TANGO6: variants seen among roughly 807,000 people sequenced by gnomAD.
The protein encoded by TANGO6 is transport and golgi organization 6 homolog.
Under a neutral mutation model 114.2 loss-of-function variants are expected in TANGO6, and 90 were observed. The ratio of observed to expected loss-of-function variants is 0.79; its 90% CI spans 0.66 to 0.94. The LOEUF (loss-of-function observed/expected upper bound fraction) is 0.94. Among genes scored for constraint, TANGO6 ranks in the 40% least tolerant of loss-of-function variants. The probability of loss-of-function intolerance (pLI) is 0.00; values close to 1 mark genes in which losing one functional copy is unlikely to be tolerated. For synonymous variants in TANGO6, 477 were observed against 509.8 expected (o/e 0.94, Z 0.87); for missense variants, 1,274 against 1,315.3 (o/e 0.97, Z 0.49).
At chr16:68,890,761 C>T (rs1412497532) in intron 7 of TANGO6, among the ~76,000 whole-genome samples, 1 of 151,920 alleles carries the variant, frequency 6.6e-6, no homozygotes, top group Non-Finnish European at 1.5e-5. Flanking sequence ...TGGCTCATGT[C>T]TATAATCCCA....
intron 15 of TANGO6, among the ~76,000 whole-genome samples, chr16:69,012,805 G>A (rs576389198): frequency 1.7e-4 from 26 of 152,150 alleles, no homozygotes; most frequent in Non-Finnish European, 3.2e-4. Flanking sequence ...GGGGACAAAT[G>A]TGTGCTGTCT....
chr16:68,844,283 C>T (rs1961770167), intron 1 of TANGO6, among the ~76,000 whole-genome samples: 1 of 152,126 alleles, frequency 6.6e-6, no homozygotes. Context: ...GTTGAAGCTG[C>T]TACTCCTTTT....
At chr16:68,927,428 G>A (rs1419141005) in intron 12 of TANGO6, 140 bp from the exon 13 acceptor site, 2 of 807,932 alleles carry the variant, frequency 2.5e-6, no homozygotes, top group African/African-American at 3.4e-5. Context: ...TTCAGTGCTG[G>A]ACCCAGGCAA....
At chr16:69,031,425 G>A (rs908892223) in intron 16 of TANGO6, among the ~76,000 whole-genome samples, 1 of 151,994 alleles carries the variant, frequency 6.6e-6, no homozygotes, top group African/African-American at 2.4e-5. Flanking sequence ...GCAAGGCTGG[G>A]CACGGTGGCT....
intron 15 of TANGO6, among the ~76,000 whole-genome samples, chr16:69,003,587 A>C (rs1376850893): frequency 6.6e-6 from 1 of 152,192 alleles, no homozygotes; most frequent in Admixed American, 6.5e-5. Context: ...GCAAACCAAT[A>C]CTTTAAAAAA....
intron 6 of TANGO6, 139 bp downstream of exon 6, chr16:68,878,419 T>G: frequency 9.5e-7 from 1 of 1,052,802 alleles, no homozygotes. Flanking sequence ...TTTGACAAAT[T>G]CACTTACAAG....
intron 16 of TANGO6, 135 bp downstream of exon 16, chr16:69,023,114 C>A: frequency 2.2e-6 from 2 of 907,676 alleles, no homozygotes; most frequent in Non-Finnish European, 3.2e-6. Context: ...GGCAAGTGAG[C>A]CATTGAACTT....
intron 6 of TANGO6, among the ~76,000 whole-genome samples, chr16:68,878,631 C>T (rs1962408484): frequency 6.6e-6 from 1 of 152,132 alleles, no homozygotes; most frequent in African/African-American, 2.4e-5. Context: ...AAATGTCAGT[C>T]TCCTACATAA....
chr16:68,994,730 A>T (rs1279672972), intron 15 of TANGO6, among the ~76,000 whole-genome samples: 1 of 151,240 alleles, frequency 6.6e-6, no homozygotes, highest in Non-Finnish European at 1.5e-5. Flanking sequence ...GCACACCACC[A>T]CGTCCAGCTA....
chr16:68,858,525 T>C (rs1201335179), intron 1 of TANGO6, among the ~76,000 whole-genome samples: 1 of 152,236 alleles, frequency 6.6e-6, no homozygotes, highest in East Asian at 1.9e-4. Flanking sequence ...AATTTCTCAG[T>C]TGTGCTTTAA....
intron 1 of TANGO6, among the ~76,000 whole-genome samples, chr16:68,851,228 C>T (rs1298925163): frequency 5.9e-5 from 9 of 152,148 alleles, no homozygotes; most frequent in South Asian, 2.1e-4. Context: ...GGCGCAATCT[C>T]GGCTCACTGC....
intron 17 of TANGO6, among the ~76,000 whole-genome samples, chr16:69,078,566 C>T (rs1424435647): frequency 1.3e-5 from 2 of 152,086 alleles, no homozygotes; most frequent in Admixed American, 6.6e-5. Context: ...CTCCCTGTGA[C>T]CTTTACCATG....
chr16:68,855,217 A>G (rs900811919), intron 1 of TANGO6, among the ~76,000 whole-genome samples: 7 of 151,756 alleles, frequency 4.6e-5, no homozygotes, highest in African/African-American at 1.7e-4. Context: ...AAAAAAAAAT[A>G]AAACATAAAA....
intron 5 of TANGO6, among the ~76,000 whole-genome samples, chr16:68,877,093 G>A (rs1194105697): frequency 6.6e-6 from 1 of 152,080 alleles, no homozygotes; most frequent in Non-Finnish European, 1.5e-5. Context: ...ATTTTTGATC[G>A]ATATGCTTTA....
chr16:68,950,331 C>T (rs781450112), intron 14 of TANGO6, among the ~76,000 whole-genome samples: 7 of 151,974 alleles, frequency 4.6e-5, no homozygotes, highest in Non-Finnish European at 1.0e-4. Flanking sequence ...TTTGGGAGGC[C>T]GAGGCAAGCA....
intron 14 of TANGO6, among the ~76,000 whole-genome samples, chr16:68,947,390 G>C (rs1963425188): frequency 6.6e-6 from 1 of 151,814 alleles, no homozygotes; most frequent in South Asian, 2.1e-4. Flanking sequence ...GGAGTCGAAG[G>C]TTGCGGTGAG....
chr16:69,016,468 C>G (rs1449123340), intron 15 of TANGO6, among the ~76,000 whole-genome samples: 2 of 151,470 alleles, frequency 1.3e-5, no homozygotes, highest in African/African-American at 4.8e-5. Context: ...AAGTTTCTCT[C>G]TCTTCATGAT....
At chr16:68,989,509 A>G (rs1470806919) in intron 15 of TANGO6, among the ~76,000 whole-genome samples, 1 of 151,780 alleles carries the variant, frequency 6.6e-6, no homozygotes, top group East Asian at 1.9e-4. Flanking sequence ...CTTTTTGTTC[A>G]TTAGAAGTGT....
chr16:69,002,388 G>A (rs114175600), intron 15 of TANGO6, among the ~76,000 whole-genome samples: 4,702 of 152,092 alleles, frequency 0.031, 84 homozygotes, highest in African/African-American at 0.037. Flanking sequence ...CCCCATAATC[G>A]CCATGTATTA....
Sources: gnomAD v4.1 joint callset for allele counts (sites outside exome capture counted in the v4.1 genomes callset) on GRCh38, gnomAD v4.1.1 for gene constraint, MANE v1.5 for transcripts, NCBI Gene and HGNC (gene_info 2026-07-23, HGNC 2026-07-21) for gene names.